Variants in ATXN1 observed in about 807,000 individuals in gnomAD.
ATXN1 encodes the protein ataxin 1.
In ATXN1, 8 loss-of-function variants were observed where a neutral mutation model predicts 56.4. The ratio of observed to expected loss-of-function variants is 0.14; its 90% confidence interval spans 0.08 to 0.26. The LOEUF is 0.26. Ranked by LOEUF, ATXN1 falls within the 10% of genes least tolerant of loss-of-function variation. ATXN1 has a pLI of 1.00. For missense variants in ATXN1, 987 were observed against 1,106.5 expected, an observed-to-expected ratio of 0.89 and a Z score of 1.53; for synonymous variants, 514 against 494.6, an observed-to-expected ratio of 1.04 and a Z score of -0.52.
At chr6:16,581,238 T>C (rs1172442997) in intron 4 of ATXN1, among the ~76,000 whole-genome samples, 5 of 151,148 alleles carry the variant, frequency 3.3e-5, no homozygotes, top group African/African-American at 1.2e-4. Context: ...CGCGTGTGTG[T>C]GTGTGTGTGT....
At chr6:16,407,072 A>G (rs1758701056) in intron 6 of ATXN1, among the ~76,000 whole-genome samples, 1 of 152,236 alleles carries the variant, frequency 6.6e-6, no homozygotes, top group Non-Finnish European at 1.5e-5. Flanking sequence ...GATGTGTACT[A>G]TGGAATCAGA....
intron 2 of ATXN1, among the ~76,000 whole-genome samples, chr6:16,659,460 C>G (rs1463794636): frequency 1.3e-5 from 2 of 152,154 alleles, no homozygotes; most frequent in Non-Finnish European, 2.9e-5. Context: ...TCTTTTTTAA[C>G]TAAAAATATC....
At chr6:16,739,347 T>G (rs1760253452) in intron 2 of ATXN1, 1 of 154,578 alleles carries the variant, frequency 6.5e-6, no homozygotes, top group Admixed American at 6.3e-5. Flanking sequence ...CACACATTCC[T>G]ACACAAAACC....
At chr6:16,468,662 A>G (rs1760156461) in intron 6 of ATXN1, among the ~76,000 whole-genome samples, 1 of 152,178 alleles carries the variant, frequency 6.6e-6, no homozygotes, top group Non-Finnish European at 1.5e-5. Context: ...TTACAAATCA[A>G]TGCAAAGCAA....
At chr6:16,616,272 G>A (rs1467302085) in intron 3 of ATXN1, among the ~76,000 whole-genome samples, 1 of 152,040 alleles carries the variant, frequency 6.6e-6, no homozygotes, top group Non-Finnish European at 1.5e-5. Flanking sequence ...AGGCACAGTG[G>A]CTCATATCTG....
At chr6:16,674,125 A>T (rs1286991039) in intron 2 of ATXN1, among the ~76,000 whole-genome samples, 1 of 152,066 alleles carries the variant, frequency 6.6e-6, no homozygotes, top group Non-Finnish European at 1.5e-5. Flanking sequence ...TCTGTTTGAC[A>T]TTTTAAAACA....
At chr6:16,623,055 G>C (rs1763346814) in intron 3 of ATXN1, among the ~76,000 whole-genome samples, 1 of 152,138 alleles carries the variant, frequency 6.6e-6, no homozygotes, top group East Asian at 1.9e-4. Context: ...TTTCATTGTT[G>C]TATTGTGTTC....
At chr6:16,569,705 T>C (rs1762296716) in intron 4 of ATXN1, among the ~76,000 whole-genome samples, 1 of 152,038 alleles carries the variant, frequency 6.6e-6, no homozygotes, top group Admixed American at 6.5e-5. Context: ...TGGTTAGTTG[T>C]TGAAAAAACA....
rs1177441357 is a variant in ATXN1, at chr6:16,301,234, T to G, written c.*5095A>C. The G allele has an allele frequency of 6.6e-6, 1 of 152,610 alleles. No homozygotes were observed. The highest frequency in any genetic ancestry group is 1.5e-5 in the Non-Finnish European group (1 of 68,030). 9.5% of individuals were successfully genotyped at this position (152,610 alleles called of 1,614,324 possible). ...ACTCCTCAAAGTGAGTGCTTCAAAA[T>G]TTTGTTTTCTTCAGCTTCTCAAATC... On this transcript the variant is annotated 3_prime_UTR_variant, in exon 8 of 8. Transcript: ENST00000436367.
chr6:16,730,636 G>C (rs1023558136), intron 2 of ATXN1, among the ~76,000 whole-genome samples: 6 of 151,858 alleles, frequency 4.0e-5, no homozygotes, highest in African/African-American at 1.5e-4. Flanking sequence ...TGTGTACCAA[G>C]ACTTTTTAGG....
intron 6 of ATXN1, among the ~76,000 whole-genome samples, chr6:16,409,878 T>C (rs546707045): frequency 4.4e-4 from 67 of 152,230 alleles, no homozygotes; most frequent in African/African-American, 1.5e-3. Flanking sequence ...GCTGGCCTTC[T>C]GGGGAAGCTG....
intron 5 of ATXN1, among the ~76,000 whole-genome samples, chr6:16,492,359 G>A: frequency 6.6e-6 from 1 of 151,680 alleles, no homozygotes; most frequent in Non-Finnish European, 1.5e-5. Flanking sequence ...CACCAGCATG[G>A]CACATGTATA....
intron 7 of ATXN1, among the ~76,000 whole-genome samples, chr6:16,307,371 T>A (rs1419708098): frequency 6.6e-6 from 1 of 152,094 alleles, no homozygotes; most frequent in African/African-American, 2.4e-5. Flanking sequence ...CCCCAGCCCC[T>A]AAAAGGATGC....
intron 6 of ATXN1, among the ~76,000 whole-genome samples, chr6:16,444,188 G>T (rs1218766552): frequency 6.6e-6 from 1 of 151,792 alleles, no homozygotes; most frequent in East Asian, 1.9e-4. Context: ...CCTATCACTG[G>T]CTGTGTCCAC....
rs1760986194 is a variant in ATXN1 at position 16,506,645 on chromosome 6, ACT to A, written c.-299+15980_-299+15981del. 6.6e-6 allele frequency among the ~76,000 whole-genome samples: 1 copy of A among 152,140 alleles called. No homozygotes were observed. The highest frequency in any genetic ancestry group is 6.5e-5 in the Admixed American group (1 of 15,268). On this transcript the variant is annotated intron_variant, in intron 5 of 7. Transcript: ENST00000436367. The surrounding 1 kb of genome is among the most constrained non-coding windows in gnomAD (Gnocchi z 4.1). ...ATTGATGAGTTAATGTTGGTAAATC[ACT>A]CTGCAATTCCCAGGTCAAAGATGTG...
chr6:16,566,867 CA>C (rs1762239664), intron 4 of ATXN1, among the ~76,000 whole-genome samples: 1 of 151,862 alleles, frequency 6.6e-6, no homozygotes, highest in South Asian at 2.1e-4. Flanking sequence ...AAAACAACAA[CA>C]ACAACAACAA....
At chr6:16,434,610 T>C (rs1759351014) in intron 6 of ATXN1, among the ~76,000 whole-genome samples, 1 of 152,256 alleles carries the variant, frequency 6.6e-6, no homozygotes, top group Admixed American at 6.5e-5. Context: ...CCACACAGCA[T>C]AATTTTCTAT....
At chr6:16,570,678 AAGAC>A (rs1417292388) in intron 4 of ATXN1, among the ~76,000 whole-genome samples, 1 of 152,192 alleles carries the variant, frequency 6.6e-6, no homozygotes, top group East Asian at 1.9e-4. Context: ...AGACTGAAGA[AAGAC>A]AGATGAAAGT....
intron 4 of ATXN1, among the ~76,000 whole-genome samples, chr6:16,563,865 G>A (rs1390190078): frequency 1.3e-5 from 2 of 152,178 alleles, no homozygotes; most frequent in African/African-American, 2.4e-5. Context: ...ACAAATGCCC[G>A]CTCCAGGTCC....
Sources: allele counts gnomAD v4.1 joint callset (sites outside exome capture counted in the v4.1 genomes callset), GRCh38; gene constraint gnomAD v4.1.1; non-coding constraint Gnocchi (gnomAD v3.1); transcripts MANE v1.5; gene names NCBI Gene and HGNC (gene_info 2026-07-23, HGNC 2026-07-21).